L3MBTL4: variants seen among roughly 807,000 people sequenced by gnomAD.
L3MBTL4 encodes L3MBTL histone methyl-lysine binding protein 4.
In L3MBTL4, 70 loss-of-function variants were observed where a neutral mutation model predicts 84.5. That is an observed-to-expected ratio of 0.83 (90% confidence interval 0.68 to 1.01). The LOEUF is 1.01. Among genes scored for constraint, L3MBTL4 ranks in the 50% least tolerant of loss-of-function variants. The pLI, the probability that L3MBTL4 is intolerant of heterozygous loss-of-function variation, is 0.00. For synonymous variants in L3MBTL4, 274 were observed against 259.8 expected, an observed-to-expected ratio of 1.05 and a Z score of -0.52; for missense variants, 715 against 754.8, an observed-to-expected ratio of 0.95 and a Z score of 0.62.
intron 14 of L3MBTL4, among the ~76,000 whole-genome samples, chr18:6,111,586 G>C (rs1488967770): frequency 6.6e-6 from 1 of 152,090 alleles, no homozygotes; most frequent in African/African-American, 2.4e-5. Flanking sequence ...GAAAGGGAGA[G>C]ACAGAAGAGA....
chr18:6,360,527 T>TA (rs2053641055), intron 1 of L3MBTL4, among the ~76,000 whole-genome samples: 13 of 152,330 alleles, frequency 8.5e-5, no homozygotes, highest in Admixed American at 6.5e-4. Flanking sequence ...GATTTATCAC[T>TA]TTAATGTTAC....
intron 13 of L3MBTL4, among the ~76,000 whole-genome samples, chr18:6,149,795 G>A (rs1007166308): frequency 2.6e-5 from 4 of 152,166 alleles, no homozygotes; most frequent in African/African-American, 9.7e-5. Flanking sequence ...CTTGGTTTAT[G>A]TAATTGAATT....
At chr18:6,001,923 AT>A (rs2054233691) in intron 16 of L3MBTL4, among the ~76,000 whole-genome samples, 1 of 152,168 alleles carries the variant, frequency 6.6e-6, no homozygotes, top group Non-Finnish European at 1.5e-5. Context: ...AAAGTCACAG[AT>A]TTACAAATCT....
intron 1 of L3MBTL4, among the ~76,000 whole-genome samples, chr18:6,375,791 G>C (rs2144263258): frequency 6.6e-6 from 1 of 152,248 alleles, no homozygotes; most frequent in South Asian, 2.1e-4. Flanking sequence ...ACAGACATGG[G>C]CAATAATAAA....
At chr18:6,184,082 C>T (rs1334792403) in intron 12 of L3MBTL4, among the ~76,000 whole-genome samples, 1 of 152,070 alleles carries the variant, frequency 6.6e-6, no homozygotes. Flanking sequence ...GAAGTATACA[C>T]ACACAGAGAT....
At chr18:6,082,054 C>T (rs879680452) in intron 15 of L3MBTL4, among the ~76,000 whole-genome samples, 5 of 152,074 alleles carry the variant, frequency 3.3e-5, no homozygotes, top group Non-Finnish European at 7.4e-5. Flanking sequence ...CTTGAGTTCA[C>T]GCCTAGGATG....
intron 1 of L3MBTL4, among the ~76,000 whole-genome samples, chr18:6,319,901 G>T (rs1315388994): frequency 6.6e-6 from 1 of 151,920 alleles, no homozygotes; most frequent in Non-Finnish European, 1.5e-5. Context: ...TCAACAAAAT[G>T]CTAGCTAAGC....
At chr18:6,264,344 G>C (rs1302126334) in intron 4 of L3MBTL4, among the ~76,000 whole-genome samples, 2 of 152,178 alleles carry the variant, frequency 1.3e-5, no homozygotes, top group South Asian at 2.1e-4. Context: ...ACAGGCACAG[G>C]CTTTCTGGAA....
intron 12 of L3MBTL4, among the ~76,000 whole-genome samples, chr18:6,195,664 T>C (rs2045343437): frequency 6.6e-6 from 1 of 152,238 alleles, no homozygotes; most frequent in Admixed American, 6.5e-5. Flanking sequence ...TACAAAAACA[T>C]TATTTTAAGG....
chr18:5,965,769 A>G (rs1436166865), intron 17 of L3MBTL4, among the ~76,000 whole-genome samples: 1 of 152,214 alleles, frequency 6.6e-6, no homozygotes, highest in African/African-American at 2.4e-5. Flanking sequence ...AGGACATGGA[A>G]AGAAATTCAG....
At chr18:6,200,228 T>G (rs1207715802) in intron 12 of L3MBTL4, among the ~76,000 whole-genome samples, 3 of 152,210 alleles carry the variant, frequency 2.0e-5, no homozygotes, top group African/African-American at 7.2e-5. Flanking sequence ...TGCAATTATA[T>G]TTTGTATATC....
Position 6,296,228 on chromosome 18 carries a change from C to T in L3MBTL4, c.127+5675G>A, listed in dbSNP as rs111239925. Among the ~76,000 whole-genome samples the T allele has an allele frequency of 4.7e-3, 710 of 152,264 alleles. 6 individuals are homozygous for T. The highest frequency in any genetic ancestry group is 0.016 in the African/African-American group (668 of 41,558). On this transcript the variant is annotated intron_variant, in intron 4 of 18. Transcript: ENST00000317931. ...TAGAATCATTTAATAAGCCATATCC[C>T]CCGGCACCAAAACTACTCCCTGATA...
chr18:6,013,740 T>A (rs2058504355), intron 16 of L3MBTL4, among the ~76,000 whole-genome samples: 1 of 152,230 alleles, frequency 6.6e-6, no homozygotes, highest in African/African-American at 2.4e-5. Flanking sequence ...CTACTGTACA[T>A]ATGAGGCAGA....
intron 12 of L3MBTL4, among the ~76,000 whole-genome samples, chr18:6,184,956 CCAGT>C (rs1323112215): frequency 6.6e-6 from 1 of 152,180 alleles, no homozygotes; most frequent in Non-Finnish European, 1.5e-5. Context: ...GCACTTTGTG[CCAGT>C]ATAACTTGGG....
intron 10 of L3MBTL4, among the ~76,000 whole-genome samples, chr18:6,230,817 T>G (rs1289431710): frequency 6.6e-6 from 1 of 152,082 alleles, no homozygotes; most frequent in Non-Finnish European, 1.5e-5. Flanking sequence ...TCATTGTGGT[T>G]TTTGATTTGC....
At chr18:6,108,565 G>C (rs1477811186) in intron 14 of L3MBTL4, among the ~76,000 whole-genome samples, 1 of 151,946 alleles carries the variant, frequency 6.6e-6, no homozygotes, top group East Asian at 1.9e-4. Context: ...TATAGAATGG[G>C]ATTTCACAGC....
chr18:6,176,686 T>C (rs2044239164), intron 12 of L3MBTL4, among the ~76,000 whole-genome samples: 1 of 152,208 alleles, frequency 6.6e-6, no homozygotes. Flanking sequence ...ACCCATATAA[T>C]AATAAATTAA....
At chr18:6,117,296 T>C (rs1054501712) in intron 14 of L3MBTL4, among the ~76,000 whole-genome samples, 14 of 152,146 alleles carry the variant, frequency 9.2e-5, no homozygotes, top group Non-Finnish European at 1.6e-4. Flanking sequence ...GGAGTCATGA[T>C]TGGGTGGCAA....
At chr18:6,167,967 C>T (rs2043763048) in intron 13 of L3MBTL4, among the ~76,000 whole-genome samples, 1 of 152,180 alleles carries the variant, frequency 6.6e-6, no homozygotes, top group Non-Finnish European at 1.5e-5. Flanking sequence ...TGATAAGCAA[C>T]TTCAGCAAAG....
Sources: gnomAD v4.1 joint callset for allele counts (sites outside exome capture counted in the v4.1 genomes callset) on GRCh38, gnomAD v4.1.1 for gene constraint, MANE v1.5 for transcripts, NCBI Gene and HGNC (gene_info 2026-07-23, HGNC 2026-07-21) for gene names.